Variants in PLAAT3 observed in about 807,000 individuals in gnomAD.
The protein encoded by PLAAT3 is Ca-independent phospholipase A1/2.
In PLAAT3, 21 loss-of-function variants were observed where a neutral mutation model predicts 16.7. The observed-to-expected ratio is 1.26, with a 90% CI of 0.89 to 1.81. The LOEUF (loss-of-function observed/expected upper bound fraction) is 1.81. Among genes scored for constraint, PLAAT3 ranks in the 40% most tolerant of loss-of-function variants. The pLI is 0.00. For synonymous variants in PLAAT3, 76 were observed against 81.7 expected, an observed-to-expected ratio of 0.93 and a Z score of 0.38; for missense variants, 219 against 213.7, an observed-to-expected ratio of 1.02 and a Z score of -0.16.
At chr11:63,609,986 C>T (rs183795571) in intron 2 of PLAAT3, among the ~76,000 whole-genome samples, 7 of 152,204 alleles carry the variant, frequency 4.6e-5, no homozygotes, top group Admixed American at 3.3e-4. Flanking sequence ...CTTATAAGAG[C>T]CCCATGTTAC....
rs1938770349 is a variant in PLAAT3 at position 63,614,177 on chromosome 11, C to T, written c.-54-109G>A. 6.6e-6 allele frequency: 6 copies of T among 904,024 alleles called. No homozygotes were observed. The South Asian group carries it at 7.3e-5, about 11-fold the overall frequency. The allele number at this position is 904,024 out of a possible 1,614,324, so 56.0% of individuals were successfully genotyped here. ...AGGGCGTGAGAGGCGCGCCTCGGACCCCAGGAACAACCACCTCGCTCCCTT... is the reference window on the plus strand; with the variant it reads ...AGGGCGTGAGAGGCGCGCCTCGGACTCCAGGAACAACCACCTCGCTCCCTT... On this transcript the variant is annotated intron_variant, in intron 1 of 4. Coordinates refer to ENST00000415826, the MANE Select transcript of PLAAT3 (RefSeq NM_001128203.2).
At chr11:63,614,289 T>C (rs1938775078) in intron 1 of PLAAT3, 96 bp downstream of exon 1, 2 of 537,160 alleles carry the variant, frequency 3.7e-6, no homozygotes, top group Non-Finnish European at 6.6e-6. Context: ...ACACCCGCCC[T>C]ACCCAATTAG....
upstream of PLAAT3, among the ~76,000 whole-genome samples, chr11:63,615,100 G>GTGTATATATGTA (rs1416074207): frequency 1.6e-5 from 2 of 122,542 alleles, no homozygotes; most frequent in African/African-American, 2.8e-5. Flanking sequence ...GTATATATGT[G>GTGTATATATGTA]TATATATGTG....
At position 63,575,043 on chromosome 11, in the gene PLAAT3, T is replaced by C. The variant is rs370092881; in HGVS notation, c.391A>G (p.Arg131Gly). 1.9e-6 allele frequency: 3 copies of C among 1,606,684 alleles called. No homozygotes were observed. Among genetic ancestry groups the C allele is most frequent in the Non-Finnish European group, 2.6e-6 (3 of 1,173,372 alleles). ...ACGCTTGCAGCGATGATGACATCTC[T>C]GACCTGCAACAAAGAAGAGGGTGGG... ...RYGVARSDQV[R>G]DVIIAASVAG... Residue 131 changes from arginine (R) to glycine (G), a missense_variant, in exon 5 of 5, where the codon AGA (arginine) becomes GGA (glycine). Arg to Gly is a moderately radical substitution (Grantham distance 125). Transcript: ENST00000415826.
intron 2 of PLAAT3, among the ~76,000 whole-genome samples, chr11:63,612,746 AT>A (rs891483160): frequency 3.2e-4 from 48 of 151,906 alleles, no homozygotes; most frequent in East Asian, 1.9e-3. Context: ...CTACTAATCC[AT>A]TTTTTTTCCT....
intron 3 of PLAAT3, among the ~76,000 whole-genome samples, chr11:63,594,807 T>C (rs1240052977): frequency 6.7e-6 from 1 of 148,664 alleles, no homozygotes; most frequent in Non-Finnish European, 1.5e-5. Context: ...TCAATACGAA[T>C]GATCCAGTTG....
At chr11:63,600,879 C>T (rs1054417371) in intron 2 of PLAAT3, among the ~76,000 whole-genome samples, 2 of 152,102 alleles carry the variant, frequency 1.3e-5, no homozygotes, top group African/African-American at 4.8e-5. Context: ...TCTGGGATTA[C>T]AGGCGTGAGC....
chr11:63,596,237 C>CAA (rs56081443), intron 3 of PLAAT3, among the ~76,000 whole-genome samples: 15 of 40,724 alleles, frequency 3.7e-4, no homozygotes, highest in South Asian at 1.4e-3. Flanking sequence ...GAGACTCTGT[C>CAA]AAAAAAAAAA....
chr11:63,591,973 T>C (rs1938164525), intron 3 of PLAAT3, among the ~76,000 whole-genome samples: 1 of 151,998 alleles, frequency 6.6e-6, no homozygotes, highest in African/African-American at 2.4e-5. Context: ...TCCTTAAACT[T>C]ATATCTAGAT....
At chr11:63,584,851 G>A (rs142690008) in intron 4 of PLAAT3, among the ~76,000 whole-genome samples, 1 of 152,144 alleles carries the variant, frequency 6.6e-6, no homozygotes, top group African/African-American at 2.4e-5. Flanking sequence ...GCTTCAAAGA[G>A]CTCAGCACAA....
chr11:63,611,515 G>A (rs1938692743), intron 2 of PLAAT3, among the ~76,000 whole-genome samples: 1 of 152,110 alleles, frequency 6.6e-6, no homozygotes, highest in African/African-American at 2.4e-5. Flanking sequence ...AGTTAAATCA[G>A]AGAACACGCA....
chr11:63,602,671 G>A (rs1270879338), intron 2 of PLAAT3, among the ~76,000 whole-genome samples: 1 of 152,010 alleles, frequency 6.6e-6, no homozygotes, highest in Non-Finnish European at 1.5e-5. Flanking sequence ...TCAAATTTCA[G>A]TGTCCATAAT....
chr11:63,613,052 T>C (rs1938731411), intron 2 of PLAAT3, among the ~76,000 whole-genome samples: 3 of 152,316 alleles, frequency 2.0e-5, no homozygotes, highest in South Asian at 2.1e-4. Context: ...CAGTGAATTA[T>C]GGTTGAGCAC....
intron 2 of PLAAT3, among the ~76,000 whole-genome samples, chr11:63,604,712 C>G (rs1938514364): frequency 2.0e-5 from 3 of 151,636 alleles, no homozygotes; most frequent in Non-Finnish European, 4.4e-5. Flanking sequence ...GCAGTGAGCC[C>G]AGATGATGCC....
At chr11:63,615,392 A>G (rs76582600), upstream of PLAAT3, among the ~76,000 whole-genome samples, 31 of 38,938 alleles carry the variant, frequency 8.0e-4, 6 homozygotes, top group African/African-American at 1.6e-3. Context: ...ATATATGTGT[A>G]TATATGTGTG....
rs754026959 is a variant in PLAAT3 at position 63,590,268 on chromosome 11, C to G, written c.219G>C (p.Lys73Asn). The G allele has an allele frequency of 6.2e-7, 1 of 1,614,226 alleles. No individual in the cohort carries two copies. Among genetic ancestry groups the G allele is most frequent in the South Asian group, 1.1e-5 (1 of 91,088 alleles). Residue 73 changes from lysine (K) to asparagine (N), a missense_variant, in exon 4 of 5, where the codon AAG becomes AAC. Lys to Asn is a moderately conservative substitution (Grantham distance 94, BLOSUM62 0). Coordinates refer to ENST00000415826, the MANE Select transcript of PLAAT3 (RefSeq NM_001128203.2). ...ELLYDVAGSDKYQVNNKHDDK... is the reference protein window; with the variant it reads ...ELLYDVAGSDNYQVNNKHDDK... The stretch of plus-strand genomic sequence containing the variant: ...CATCATGTTTGTTGTTGACCTGGTA[C>G]TTGTCACTCCCGGCCACATCATACA...
chr11:63,606,966 G>A (rs867591140), intron 2 of PLAAT3, among the ~76,000 whole-genome samples: 15 of 152,344 alleles, frequency 9.8e-5, no homozygotes, highest in Middle Eastern at 3.4e-3. Context: ...CCGTTGAGAA[G>A]AGATGAGATG....
chr11:63,612,292 A>G (rs1938714029), intron 2 of PLAAT3, among the ~76,000 whole-genome samples: 1 of 152,198 alleles, frequency 6.6e-6, no homozygotes, highest in African/African-American at 2.4e-5. Flanking sequence ...AATTACAGTA[A>G]TGAATCACTG....
intron 4 of PLAAT3, among the ~76,000 whole-genome samples, chr11:63,587,429 G>GA (rs201108520): frequency 0.01 from 1,465 of 146,034 alleles, 25 homozygotes; most frequent in African/African-American, 0.034. Context: ...TCAAAATTCT[G>GA]AAAAAAAAAA....
Sources: gnomAD v4.1 joint callset for allele counts (sites outside exome capture counted in the v4.1 genomes callset) on GRCh38, gnomAD v4.1.1 for gene constraint, MANE v1.5 for transcripts, NCBI Gene and HGNC (gene_info 2026-07-23, HGNC 2026-07-21) for gene names.